The following NXPE2 variants were observed in gnomAD, a reference collection of about 807,000 sequenced individuals.
NXPE2 encodes NXPE family member 2.
In NXPE2, 34 loss-of-function variants were observed where a neutral mutation model predicts 34.4. The observed-to-expected ratio is 0.99, with a 90% CI of 0.75 to 1.31. The LOEUF (loss-of-function observed/expected upper bound fraction) is 1.31, where lower values mean the gene tolerates loss of function less well. Ranked by LOEUF, NXPE2 falls within the 40% of genes most tolerant of loss-of-function variation. NXPE2 has a pLI of 0.00. For missense variants in NXPE2, 649 were observed against 672.5 expected (o/e 0.97, Z 0.39); for synonymous variants, 235 against 231.3 (o/e 1.02, Z -0.15).
chr11:114,643,451 G>T, the NXPE2 span, among the ~76,000 whole-genome samples: 3 of 151,946 alleles, frequency 2.0e-5, no homozygotes, highest in African/African-American at 7.2e-5. Flanking sequence ...TAAGGAAGGG[G>T]TCCAGTTTCA....
chr11:114,580,911 T>A, the NXPE2 span, among the ~76,000 whole-genome samples: 1 of 152,148 alleles, frequency 6.6e-6, no homozygotes, highest in South Asian at 2.1e-4. Context: ...AGTCTGGGAA[T>A]CCACAGGTTG....
chr11:114,532,520 C>G, the NXPE2 span, among the ~76,000 whole-genome samples: 5 of 152,116 alleles, frequency 3.3e-5, no homozygotes, highest in Non-Finnish European at 7.4e-5. Flanking sequence ...CCCACCTCCA[C>G]AAGTCACAGG....
At chr11:114,702,941 C>G (rs1951393564) in intron 3 of NXPE2, among the ~76,000 whole-genome samples, 1 of 152,170 alleles carries the variant, frequency 6.6e-6, no homozygotes, top group Admixed American at 6.5e-5. Flanking sequence ...TTCTGTGGCT[C>G]TGGCTCTGAA....
chr11:114,777,774 C>T, the NXPE2 span, among the ~76,000 whole-genome samples: 1 of 152,158 alleles, frequency 6.6e-6, no homozygotes, highest in Non-Finnish European at 1.5e-5. Context: ...ACCTGTGTGG[C>T]TTTGAGAGTA....
the NXPE2 span, chr11:114,529,028 A>G: frequency 4.9e-6 from 2 of 408,958 alleles, no homozygotes; most frequent in Middle Eastern, 6.4e-4. Context: ...TAATGAGGTA[A>G]GATTCTGGAA....
At chr11:114,799,394 T>TAAGGAAAATAAGAGTTTC in the NXPE2 span, among the ~76,000 whole-genome samples, 2 of 151,522 alleles carry the variant, frequency 1.3e-5, no homozygotes, top group African/African-American at 4.9e-5. Flanking sequence ...GGAGAAGAGT[T>TAAGGAAAATAAGAGTTTC]AAGGAAAATA....
the NXPE2 span, among the ~76,000 whole-genome samples, chr11:114,808,970 C>T: frequency 6.6e-6 from 1 of 152,276 alleles, no homozygotes; most frequent in African/African-American, 2.4e-5. Context: ...CTGAATCCAG[C>T]AACACATCAA....
the NXPE2 span, among the ~76,000 whole-genome samples, chr11:114,607,348 C>T: frequency 1.3e-5 from 2 of 151,916 alleles, no homozygotes; most frequent in Non-Finnish European, 2.9e-5. Context: ...AGTATTGCCT[C>T]GTGGGTAACC....
the NXPE2 span, among the ~76,000 whole-genome samples, chr11:114,731,675 AT>A: frequency 6.6e-6 from 1 of 152,220 alleles, no homozygotes; most frequent in South Asian, 2.1e-4. Context: ...AGATGACAAA[AT>A]TATTAAAATG....
chr11:114,486,394 T>G, the NXPE2 span, among the ~76,000 whole-genome samples: 1 of 152,332 alleles, frequency 6.6e-6, no homozygotes, highest in African/African-American at 2.4e-5. Flanking sequence ...ATATTCTGGT[T>G]ATTAATGCCT....
At chr11:114,607,215 G>A in the NXPE2 span, among the ~76,000 whole-genome samples, 1 of 151,240 alleles carries the variant, frequency 6.6e-6, no homozygotes, top group African/African-American at 2.4e-5. Flanking sequence ...GAAAATAAAT[G>A]TTACCTCGTG....
the NXPE2 span, among the ~76,000 whole-genome samples, chr11:114,804,590 C>T: frequency 6.6e-6 from 1 of 152,136 alleles, no homozygotes; most frequent in African/African-American, 2.4e-5. Context: ...AGTGTATTTG[C>T]ATTGTCACTT....
chr11:114,483,140 A>G, the NXPE2 span, among the ~76,000 whole-genome samples: 1 of 152,200 alleles, frequency 6.6e-6, no homozygotes, highest in African/African-American at 2.4e-5. Context: ...CAACAGTAAG[A>G]TTTTACAATT....
At chr11:114,640,649 C>A in the NXPE2 span, among the ~76,000 whole-genome samples, 2 of 151,964 alleles carry the variant, frequency 1.3e-5, no homozygotes, top group Non-Finnish European at 2.9e-5. Flanking sequence ...AATGGCCATT[C>A]TGACTAGGGT....
chr11:114,787,074 C>T, the NXPE2 span, among the ~76,000 whole-genome samples: 1 of 152,178 alleles, frequency 6.6e-6, no homozygotes, highest in Non-Finnish European at 1.5e-5. Context: ...GCCTCTTCTC[C>T]CTGCATACTC....
the NXPE2 span, among the ~76,000 whole-genome samples, chr11:114,771,074 A>C: frequency 6.6e-6 from 1 of 152,154 alleles, no homozygotes; most frequent in Non-Finnish European, 1.5e-5. Context: ...GACCAAATGC[A>C]GGACATATGG....
chr11:114,809,255 C>T, the NXPE2 span, among the ~76,000 whole-genome samples: 7 of 152,046 alleles, frequency 4.6e-5, no homozygotes, highest in South Asian at 4.2e-4. Context: ...TGGGCAAAAA[C>T]GGGAAGCATT....
chr11:114,797,543 G>A, the NXPE2 span, among the ~76,000 whole-genome samples: 1,061 of 152,262 alleles, frequency 7.0e-3, 12 homozygotes, highest in Middle Eastern at 0.041. Flanking sequence ...TTTATGGCAC[G>A]TGGAGCTCCT....
chr11:114,618,131 G>GT, the NXPE2 span, among the ~76,000 whole-genome samples: 8 of 151,912 alleles, frequency 5.3e-5, no homozygotes, highest in African/African-American at 1.9e-4. Flanking sequence ...GGAAACCAGT[G>GT]TTACCTGGTG....
Sources: allele counts gnomAD v4.1 joint callset (sites outside exome capture counted in the v4.1 genomes callset), GRCh38; gene constraint gnomAD v4.1.1; transcripts MANE v1.5; gene names NCBI Gene and HGNC (gene_info 2026-07-23, HGNC 2026-07-21).